The following PDZD8 variants were observed in gnomAD, a reference collection of about 807,000 sequenced individuals.
PDZD8 encodes the protein PDZ domain containing 8, also known as PDZ domain-containing protein 8.
Under a neutral mutation model 85.8 loss-of-function variants are expected in PDZD8, and 14 were observed. The ratio of observed to expected loss-of-function variants is 0.16; its 90% CI spans 0.11 to 0.26. The LOEUF (loss-of-function observed/expected upper bound fraction) is 0.26. PDZD8 is among the 10% of genes least tolerant of loss of function. The probability of loss-of-function intolerance (pLI) is 1.00; values close to 1 mark genes in which losing one functional copy is unlikely to be tolerated. For missense variants in PDZD8, 1,197 were observed against 1,424.3 expected, an observed-to-expected ratio of 0.84 and a Z score of 2.57; for synonymous variants, 592 against 568.6, an observed-to-expected ratio of 1.04 and a Z score of -0.59.
chr10:117,329,240 G>C (rs1030382396), intron 2 of PDZD8, among the ~76,000 whole-genome samples: 2 of 151,984 alleles, frequency 1.3e-5, no homozygotes, highest in African/African-American at 2.4e-5. Flanking sequence ...ACTTCCAAAG[G>C]GAAGTCAGTA....
In PDZD8 at chr10:117,309,714, G is replaced by C. The variant is rs144631560; in HGVS notation, c.1098+9158C>G. On this transcript the variant is annotated intron_variant, in intron 3 of 4. Coordinates refer to ENST00000334464, the MANE Select transcript of PDZD8 (RefSeq NM_173791.5). Reference sequence around the variant, plus strand: ...ATCATCCTTGATTTTATCCATTGCTGCCAGGTTCAATAAACATTATTGACT... The same window carrying C: ...ATCATCCTTGATTTTATCCATTGCTCCCAGGTTCAATAAACATTATTGACT... Among the ~76,000 whole-genome samples the C allele has an allele frequency of 4.3e-3, 661 of 152,112 alleles. 2 individuals are homozygous for C. The highest frequency in any genetic ancestry group is 0.015 in the African/African-American group (608 of 41,516).
chr10:117,328,045 T>C (rs956527320), intron 2 of PDZD8, among the ~76,000 whole-genome samples: 2 of 152,202 alleles, frequency 1.3e-5, no homozygotes, highest in African/African-American at 4.8e-5. Context: ...AATCTGCCAA[T>C]TTAAGGATTT....
At chr10:117,348,491 C>T (rs1044546426) in intron 1 of PDZD8, among the ~76,000 whole-genome samples, 2 of 152,148 alleles carry the variant, frequency 1.3e-5, no homozygotes, top group African/African-American at 2.4e-5. Flanking sequence ...CATAACAGAA[C>T]TCTGAGTGGC....
At chr10:117,294,373 G>A (rs1417409291) in intron 3 of PDZD8, among the ~76,000 whole-genome samples, 1 of 151,826 alleles carries the variant, frequency 6.6e-6, no homozygotes, top group Non-Finnish European at 1.5e-5. Flanking sequence ...ACAAGGATGT[G>A]GAAGAAGAGG....
intron 3 of PDZD8, among the ~76,000 whole-genome samples, chr10:117,309,734 T>C (rs748384035): frequency 5.3e-5 from 8 of 152,216 alleles, no homozygotes; most frequent in Non-Finnish European, 7.3e-5. Flanking sequence ...ATAAACATTA[T>C]TGACTAACTA....
intron 1 of PDZD8, among the ~76,000 whole-genome samples, chr10:117,357,938 C>T (rs1040631431): frequency 1.3e-5 from 2 of 151,022 alleles, no homozygotes; most frequent in East Asian, 2.0e-4. Context: ...TTAGTATTTA[C>T]GGATAAAATA....
intron 2 of PDZD8, among the ~76,000 whole-genome samples, chr10:117,327,368 C>T (rs1254362377): frequency 6.6e-6 from 1 of 152,134 alleles, no homozygotes; most frequent in Non-Finnish European, 1.5e-5. Context: ...CAAAACAGAC[C>T]AAATCAAAAT....
chr10:117,342,300 C>T (rs1016845636), intron 1 of PDZD8, among the ~76,000 whole-genome samples: 2 of 151,962 alleles, frequency 1.3e-5, no homozygotes, highest in East Asian at 1.9e-4. Context: ...CTTAAAGCCC[C>T]GTGGTTTTCA....
intron 1 of PDZD8, among the ~76,000 whole-genome samples, chr10:117,364,507 G>A (rs1845055286): frequency 6.6e-6 from 1 of 151,596 alleles, no homozygotes; most frequent in South Asian, 2.1e-4. Context: ...ATTTCCGTAG[G>A]AAGTCTGAGC....
chr10:117,353,435 G>A (rs1439589346), intron 1 of PDZD8, among the ~76,000 whole-genome samples: 1 of 152,074 alleles, frequency 6.6e-6, no homozygotes. Flanking sequence ...ACAAGTCCAC[G>A]TGATTAAAAG....
intron 2 of PDZD8, among the ~76,000 whole-genome samples, chr10:117,333,126 A>AACAAAAAAAC (rs1844455349): frequency 1.4e-5 from 2 of 140,696 alleles, no homozygotes; most frequent in African/African-American, 5.5e-5. Flanking sequence ...TCAAAAAAAA[A>AACAAAAAAAC]AAAAAAAAAA....
chr10:117,316,656 C>T (rs1844135254), intron 3 of PDZD8, among the ~76,000 whole-genome samples: 2 of 152,176 alleles, frequency 1.3e-5, no homozygotes. Flanking sequence ...TGCCACTGCA[C>T]TCTAGCCTGG....
chr10:117,294,652 A>T (rs1843725901), intron 3 of PDZD8, among the ~76,000 whole-genome samples: 1 of 152,230 alleles, frequency 6.6e-6, no homozygotes, highest in Admixed American at 6.5e-5. Flanking sequence ...GTATACAAAC[A>T]CAGTGGAATA....
intron 4 of PDZD8, among the ~76,000 whole-genome samples, chr10:117,289,100 T>C (rs1367203255): frequency 6.6e-6 from 1 of 152,208 alleles, no homozygotes; most frequent in Non-Finnish European, 1.5e-5. Context: ...ATGAAGAATC[T>C]TGGGCCTCAC....
rs363236 is a variant in PDZD8, at chr10:117,278,860, C to A, written c.*4408G>T. On this transcript the variant is annotated 3_prime_UTR_variant, in exon 5 of 5. Coordinates refer to ENST00000334464, the MANE Select transcript of PDZD8 (RefSeq NM_173791.5). ...CATTGGGCAACTTGGCCAAGTCTGC[C>A]ACTTTGGAAGATGGCTCTGGAGGAA... is the stretch of plus-strand genomic sequence containing the variant. 6.6e-6 allele frequency: 1 copy of A among 152,050 alleles called. No individual in the cohort carries two copies. The highest frequency in any genetic ancestry group is 1.5e-5 in the Non-Finnish European group (1 of 68,038). The allele number at this position is 152,050 out of a possible 1,614,324, so 9.4% of individuals were successfully genotyped here.
In PDZD8 at chr10:117,374,811, C is replaced by G. The variant is rs756410068; in HGVS notation, c.417G>C (p.Leu139=). 3.5e-5 allele frequency: 57 copies of G among 1,613,314 alleles called. No individual in the cohort carries two copies. Among genetic ancestry groups the G allele is most frequent in the Non-Finnish European group, 4.7e-5 (55 of 1,179,906 alleles). The change falls in exon 1 of 5, where the codon CTG becomes CTC. Residue 139 remains leucine (L), a synonymous_variant. Coordinates refer to ENST00000334464, the MANE Select transcript of PDZD8 (RefSeq NM_173791.5). The surrounding 1 kb of genome is among the most constrained non-coding windows in gnomAD (Gnocchi z 7.8). ...ELLQTKTAGR[L]LEGLSLRDVF... ...CGTCCCGCAGGCTCAGCCCCTCCAG[C>G]AGGCGCCCGGCCGTCTTGGTCTGCA...
intron 2 of PDZD8, among the ~76,000 whole-genome samples, chr10:117,333,143 A>C (rs866185875): frequency 1.3e-5 from 2 of 148,884 alleles, no homozygotes; most frequent in African/African-American, 4.9e-5. Context: ...AAAAAAAAAA[A>C]GGGGATATGG....
intron 1 of PDZD8, among the ~76,000 whole-genome samples, chr10:117,353,755 A>AGGGGG (rs150035169): frequency 2.9e-5 from 1 of 34,050 alleles, no homozygotes; most frequent in African/African-American, 8.1e-5. Flanking sequence ...AAGATGAGGG[A>AGGGGG]GGGGGGTGAG....
chr10:117,295,380 C>T (rs1030884176), intron 3 of PDZD8, among the ~76,000 whole-genome samples: 1 of 152,116 alleles, frequency 6.6e-6, no homozygotes, highest in Admixed American at 6.5e-5. Flanking sequence ...CATCATCAAC[C>T]TTGATTTAAC....
Sources: gnomAD v4.1 joint callset for allele counts (sites outside exome capture counted in the v4.1 genomes callset) on GRCh38, gnomAD v4.1.1 for gene constraint, Gnocchi (gnomAD v3.1) non-coding constraint, MANE v1.5 for transcripts, NCBI Gene and HGNC (gene_info 2026-07-23, HGNC 2026-07-21) for gene names.